The following CYRIA variants were observed in gnomAD, a reference collection of about 807,000 sequenced individuals.
CYRIA encodes the protein CYFIP related Rac1 interactor A, also known as CYFIP-related Rac1 interactor A.
Under a neutral mutation model 43.9 loss-of-function variants are expected in CYRIA, and 15 were observed. The observed-to-expected ratio is 0.34, with a 90% CI of 0.23 to 0.53. The LOEUF (loss-of-function observed/expected upper bound fraction) is 0.53. Among genes scored for constraint, CYRIA ranks in the 20% least tolerant of loss-of-function variants. CYRIA has a pLI of 0.94. For synonymous variants in CYRIA, 117 were observed against 136.0 expected, an observed-to-expected ratio of 0.86 and a Z score of 0.97; for missense variants, 236 against 394.2, an observed-to-expected ratio of 0.60 and a Z score of 3.40.
intron 1 of CYRIA, among the ~76,000 whole-genome samples, chr2:16,627,856 G>A (rs1669217411): frequency 6.6e-6 from 1 of 152,164 alleles, no homozygotes; most frequent in Non-Finnish European, 1.5e-5. Flanking sequence ...TCCTGGTGTT[G>A]GTGTTTATAC....
chr2:16,657,522 T>C (rs1670150327), intron 1 of CYRIA, among the ~76,000 whole-genome samples: 1 of 151,698 alleles, frequency 6.6e-6, no homozygotes, highest in Admixed American at 6.6e-5. Flanking sequence ...GTGCCAAGCA[T>C]GGTCATTTAA....
chr2:16,646,563 T>C (rs1669825919), intron 1 of CYRIA, among the ~76,000 whole-genome samples: 1 of 152,216 alleles, frequency 6.6e-6, no homozygotes, highest in Non-Finnish European at 1.5e-5. Flanking sequence ...AGCCTCCTTG[T>C]TGCGACTTGA....
At chr2:16,658,342 C>T (rs1053706141) in intron 1 of CYRIA, among the ~76,000 whole-genome samples, 23 of 152,228 alleles carry the variant, frequency 1.5e-4, no homozygotes, top group African/African-American at 5.1e-4. Context: ...ACCTAGAGGA[C>T]GTAGCAAAAA....
At chr2:16,616,945 A>G (rs77710960) in intron 2 of CYRIA, among the ~76,000 whole-genome samples, 5,421 of 152,326 alleles carry the variant, frequency 0.036, 299 homozygotes, top group African/African-American at 0.12. Context: ...TAACTGCAGC[A>G]CTACAAAGGA....
intron 3 of CYRIA, among the ~76,000 whole-genome samples, chr2:16,583,091 T>C (rs1667606202): frequency 6.6e-6 from 1 of 152,246 alleles, no homozygotes; most frequent in Non-Finnish European, 1.5e-5. Context: ...CATTTTGATT[T>C]GCATTTCCTT....
At chr2:16,640,735 C>T (rs1187280359) in intron 1 of CYRIA, among the ~76,000 whole-genome samples, 1 of 152,226 alleles carries the variant, frequency 6.6e-6, no homozygotes, top group Non-Finnish European at 1.5e-5. Context: ...GATGCGTCAG[C>T]TCTCACCTTT....
intron 1 of CYRIA, among the ~76,000 whole-genome samples, chr2:16,663,960 GCTGA>G (rs1670327466): frequency 6.6e-6 from 1 of 152,126 alleles, no homozygotes; most frequent in African/African-American, 2.4e-5. Context: ...AAAACTGAGG[GCTGA>G]CTGTGTGCTC....
At position 16,551,485 on chromosome 2, in the gene CYRIA, A is replaced by C. The variant is rs1666308298; in HGVS notation, c.*1451T>G. On this transcript the variant is annotated 3_prime_UTR_variant, in exon 12 of 12. Coordinates refer to ENST00000381323, the MANE Select transcript of CYRIA (RefSeq NM_030797.4). ...GGTATAAAAGGAAGAGCATGGAGTC[A>C]AGAGTGAAGCATCCTGGGTTCTAGG... The C allele has an allele frequency of 6.6e-6, 1 of 152,186 alleles. No individual in the cohort carries two copies. Among genetic ancestry groups the C allele is most frequent in the Non-Finnish European group, 1.5e-5 (1 of 68,030 alleles). The allele number at this position is 152,186 out of a possible 1,614,324, so 9.4% of individuals were successfully genotyped here. A position where few individuals can be genotyped will look rare whatever the true frequency, so the allele number is the denominator to read the frequency against.
chr2:16,634,914 A>T (rs1017885740), intron 1 of CYRIA, among the ~76,000 whole-genome samples: 3 of 152,210 alleles, frequency 2.0e-5, no homozygotes, highest in Non-Finnish European at 4.4e-5. Context: ...TTTATCCCAG[A>T]TAATTGGTTA....
chr2:16,605,957 A>C (rs2103483308), intron 2 of CYRIA, among the ~76,000 whole-genome samples: 1 of 152,120 alleles, frequency 6.6e-6, no homozygotes, highest in South Asian at 2.1e-4. Context: ...TCAAGTTTCT[A>C]CTTTGTCCAT....
At chr2:16,553,365 A>G (rs1314145535) in intron 11 of CYRIA, among the ~76,000 whole-genome samples, 1 of 152,138 alleles carries the variant, frequency 6.6e-6, no homozygotes, top group Non-Finnish European at 1.5e-5. Flanking sequence ...CATTGCCCAG[A>G]ACTGGAATGT....
intron 2 of CYRIA, among the ~76,000 whole-genome samples, chr2:16,600,587 T>C (rs1668172271): frequency 6.6e-6 from 1 of 152,198 alleles, no homozygotes; most frequent in Non-Finnish European, 1.5e-5. Context: ...GAAGCACGTA[T>C]CACATTCCTG....
intron 5 of CYRIA, among the ~76,000 whole-genome samples, chr2:16,563,250 C>A (rs1666813435): frequency 6.6e-6 from 1 of 152,176 alleles, no homozygotes; most frequent in African/African-American, 2.4e-5. Flanking sequence ...GAAACCCTCT[C>A]TTCTTGGAAA....
rs1487312477 is a variant in CYRIA, at chr2:16,549,586, C to CTTGG, written c.*3346_*3349dup. On this transcript the variant is annotated 3_prime_UTR_variant, in exon 12 of 12. Coordinates refer to ENST00000381323, the MANE Select transcript of CYRIA (RefSeq NM_030797.4). ...CAACATATGAAAACTGCAAAACAGC[C>CTTGG]TTGGGTCTGTAATGGCCTTTATAGA... 1.3e-5 allele frequency: 2 copies of CTTGG among 152,006 alleles called. No individual in the cohort carries two copies. Among genetic ancestry groups the CTTGG allele is most frequent in the Non-Finnish European group, 2.9e-5 (2 of 68,000 alleles). 9.4% of individuals were successfully genotyped at this position (152,006 alleles called of 1,614,324 possible).
At position 16,550,836 on chromosome 2, in the gene CYRIA, T is replaced by C. The variant is rs1031694668; in HGVS notation, c.*2100A>G. 2 of 152,140 alleles carry C rather than the reference T, an allele frequency of 1.3e-5. No individual in the cohort carries two copies. The highest frequency in any genetic ancestry group is 4.8e-5 in the African/African-American group (2 of 41,448). 9.4% of individuals were successfully genotyped at this position (152,140 alleles called of 1,614,324 possible). On this transcript the variant is annotated 3_prime_UTR_variant, in exon 12 of 12. Coordinates refer to ENST00000381323, the MANE Select transcript of CYRIA (RefSeq NM_030797.4). ...AGAGGGGGAGAAATTGACCCAATGATGATAAATATTGTGTGGTTCTATATT... is the reference window on the plus strand; with the variant it reads ...AGAGGGGGAGAAATTGACCCAATGACGATAAATATTGTGTGGTTCTATATT...
In CYRIA at chr2:16,620,841, G is replaced by A. The variant is rs576254261; in HGVS notation, c.-11+3023C>T. 1.4e-4 allele frequency among the ~76,000 whole-genome samples: 22 copies of A among 152,156 alleles called. 1 individual carries two copies. In the South Asian group the frequency reaches 2.1e-3, roughly 14 times the overall value. On this transcript the variant is annotated intron_variant, in intron 2 of 11. Coordinates refer to ENST00000381323, the MANE Select transcript of CYRIA (RefSeq NM_030797.4). ...CCTTGCCTATGTGTCTCCATCTCCC[G>A]GCCTGGAAATTCCTAACACCCTTCC...
At chr2:16,583,055 G>A (rs1667604754) in intron 3 of CYRIA, among the ~76,000 whole-genome samples, 1 of 152,112 alleles carries the variant, frequency 6.6e-6, no homozygotes, top group African/African-American at 2.4e-5. Context: ...AACAGTCCTA[G>A]TGGGTGTGAA....
At chr2:16,619,749 T>C (rs912963469) in intron 2 of CYRIA, among the ~76,000 whole-genome samples, 2 of 152,190 alleles carry the variant, frequency 1.3e-5, no homozygotes, top group South Asian at 2.1e-4. Context: ...CTAATGGATT[T>C]TTGAAAAGCA....
rs1005920918 is a variant in CYRIA, at chr2:16,554,996, A to T, written c.908+73T>A. On this transcript the variant is annotated intron_variant, in intron 11 of 11. Transcript: ENST00000381323. ...AAGGGTTAAGTTTGGTGCTATCCAC[A>T]ACAGTATTTAAATTTGCAATGGCCC... The T allele has an allele frequency of 5.1e-6, 6 of 1,187,034 alleles. No individual in the cohort carries two copies. In the Admixed American group the frequency reaches 1.1e-4, roughly 22 times the overall value. 73.5% of individuals were successfully genotyped at this position (1,187,034 alleles called of 1,614,324 possible).
Sources: gnomAD v4.1 joint callset for allele counts (sites outside exome capture counted in the v4.1 genomes callset) on GRCh38, gnomAD v4.1.1 for gene constraint, MANE v1.5 for transcripts, NCBI Gene and HGNC (gene_info 2026-07-23, HGNC 2026-07-21) for gene names.